The following CLYBL variants were observed in gnomAD, a reference collection of about 807,000 sequenced individuals.
The protein encoded by CLYBL is citramalyl-CoA lyase.
CLYBL carries 31 observed loss-of-function variants against 38.9 expected under a neutral mutation model. The observed-to-expected ratio is 0.80, with a 90% CI of 0.60 to 1.08. CLYBL has a LOEUF of 1.08. Among genes scored for constraint, CLYBL ranks in the 50% least tolerant of loss-of-function variants. CLYBL has a pLI of 0.00. For synonymous variants in CLYBL, 171 were observed against 158.6 expected, an observed-to-expected ratio of 1.08 and a Z score of -0.59; for missense variants, 434 against 411.6, an observed-to-expected ratio of 1.05 and a Z score of -0.47.
intron 2 of CLYBL, among the ~76,000 whole-genome samples, chr13:99,781,009 C>T (rs7326142): frequency 0.32 from 48,744 of 151,730 alleles, 8,708 homozygotes; most frequent in Middle Eastern, 0.43. Context: ...CCACTGCACC[C>T]GGCTAATCCA....
At chr13:99,785,409 T>C (rs2049767873) in intron 2 of CLYBL, among the ~76,000 whole-genome samples, 1 of 151,354 alleles carries the variant, frequency 6.6e-6, no homozygotes, top group Non-Finnish European at 1.5e-5. Flanking sequence ...GATGGGGGTC[T>C]CTCTATGTTG....
At chr13:99,754,233 A>C (rs1367915396) in intron 1 of CLYBL, among the ~76,000 whole-genome samples, 1 of 151,520 alleles carries the variant, frequency 6.6e-6, no homozygotes, top group East Asian at 1.9e-4. Flanking sequence ...AACATGGAGA[A>C]ACCCCATTTC....
chr13:99,824,257 G>GCCCT (rs2050646713), intron 2 of CLYBL, among the ~76,000 whole-genome samples: 6 of 130,414 alleles, frequency 4.6e-5, no homozygotes, highest in Non-Finnish European at 6.4e-5. Flanking sequence ...CTGACTAATA[G>GCCCT]CCCCCCCCAC....
intron 2 of CLYBL, among the ~76,000 whole-genome samples, chr13:99,823,545 C>T (rs189263115): frequency 1.3e-5 from 2 of 152,328 alleles, no homozygotes; most frequent in African/African-American, 4.8e-5. Context: ...TAATTGGAAT[C>T]ATACAGTCTG....
intron 2 of CLYBL, among the ~76,000 whole-genome samples, chr13:99,782,492 G>A (rs749758412): frequency 1.3e-5 from 2 of 152,056 alleles, no homozygotes; most frequent in Admixed American, 1.3e-4. Flanking sequence ...GTGACAGAAC[G>A]AGGCTCTGTC....
intron 1 of CLYBL, among the ~76,000 whole-genome samples, chr13:99,633,809 C>T (rs1440950535): frequency 6.6e-6 from 1 of 151,848 alleles, no homozygotes; most frequent in African/African-American, 2.4e-5. Context: ...ACAAAGTTAA[C>T]TGAAAAATAG....
intron 9 of CLYBL, among the ~76,000 whole-genome samples, chr13:99,906,714 G>A (rs6491539): frequency 0.72 from 108,714 of 152,016 alleles, 39,275 homozygotes; most frequent in Middle Eastern, 0.76. Context: ...GTGAGCCACC[G>A]TGCCCGGCCT....
intron 2 of CLYBL, among the ~76,000 whole-genome samples, chr13:99,781,017 C>G (rs2049637211): frequency 6.7e-6 from 1 of 150,336 alleles, no homozygotes; most frequent in Non-Finnish European, 1.5e-5. Flanking sequence ...CCCGGCTAAT[C>G]CATTGACTTT....
At chr13:99,808,390 A>T (rs567691051) in intron 2 of CLYBL, among the ~76,000 whole-genome samples, 1 of 152,240 alleles carries the variant, frequency 6.6e-6, no homozygotes, top group African/African-American at 2.4e-5. Flanking sequence ...CTGGCCTAGG[A>T]TCCTCTTGTA....
chr13:99,750,595 A>G (rs973836491), intron 1 of CLYBL, among the ~76,000 whole-genome samples: 1 of 151,798 alleles, frequency 6.6e-6, no homozygotes. Flanking sequence ...AATCGCTGGA[A>G]CCTGGGAGGC....
intron 1 of CLYBL, among the ~76,000 whole-genome samples, chr13:99,711,962 G>A (rs1311103540): frequency 2.0e-5 from 3 of 150,776 alleles, no homozygotes; most frequent in African/African-American, 4.9e-5. Flanking sequence ...TGATCCACCC[G>A]CCTTGGCCTC....
At chr13:99,893,685 G>GCCAC (rs1276935892), downstream of CLYBL, 1 of 153,218 alleles carries the variant, frequency 6.5e-6, no homozygotes, top group Admixed American at 6.5e-5. Context: ...CAGCCAGCCA[G>GCCAC]CCAGCCCCAC....
downstream of CLYBL, among the ~76,000 whole-genome samples, chr13:99,900,605 G>A (rs963012060): frequency 1.3e-5 from 2 of 152,022 alleles, no homozygotes; most frequent in Admixed American, 6.5e-5. Flanking sequence ...GACCTGCTAG[G>A]GGACTTGCTC....
chr13:99,783,588 G>A (rs1242376229), intron 2 of CLYBL, among the ~76,000 whole-genome samples: 1 of 151,776 alleles, frequency 6.6e-6, no homozygotes, highest in Non-Finnish European at 1.5e-5. Flanking sequence ...TCCAGAGTAG[G>A]TGGGACTACA....
rs1566595642 is a variant in CLYBL, at chr13:99,637,961, C to CTTTATTTT, written c.62+31204_62+31205insTTTATTTT. 9.3e-5 allele frequency among the ~76,000 whole-genome samples: 5 copies of CTTTATTTT among 53,688 alleles called. 1 individual carries two copies. Among genetic ancestry groups the CTTTATTTT allele is most frequent in the African/African-American group, 4.1e-4 (5 of 12,156 alleles). 35.2% of individuals were successfully genotyped at this position (53,688 alleles called of 152,430 possible). A position where few individuals can be genotyped will look rare whatever the true frequency, so the allele number is the denominator to read the frequency against. ...TATCTAGTTATCCAAGTCAACAGTG[C>CTTTATTTT]CTTTTTTTTTTTTTTTTTTTGAGAC... On this transcript the variant is annotated intron_variant, in intron 1 of 8. Transcript: ENST00000339105.
At chr13:99,689,369 A>G (rs1288533462) in intron 1 of CLYBL, among the ~76,000 whole-genome samples, 5 of 152,238 alleles carry the variant, frequency 3.3e-5, no homozygotes, top group African/African-American at 1.2e-4. Context: ...TATTCTTGCA[A>G]TCACAGACAG....
chr13:99,716,057 T>A (rs1444436680), intron 1 of CLYBL, among the ~76,000 whole-genome samples: 3 of 152,018 alleles, frequency 2.0e-5, no homozygotes, highest in Non-Finnish European at 4.4e-5. Flanking sequence ...TATCAAATGC[T>A]TTTTCTCCAT....
At chr13:99,830,754 A>G (rs1204221743) in intron 2 of CLYBL, among the ~76,000 whole-genome samples, 4 of 152,246 alleles carry the variant, frequency 2.6e-5, no homozygotes, top group East Asian at 3.8e-4. Context: ...CTGCTTTCTA[A>G]TAACTCTTTT....
At chr13:99,772,174 T>C (rs2049409830) in intron 1 of CLYBL, among the ~76,000 whole-genome samples, 1 of 152,212 alleles carries the variant, frequency 6.6e-6, no homozygotes, top group South Asian at 2.1e-4. Flanking sequence ...ACCTTTTGGA[T>C]AGATATTTTC....
Sources: gnomAD v4.1 joint callset for allele counts (sites outside exome capture counted in the v4.1 genomes callset) on GRCh38, gnomAD v4.1.1 for gene constraint, MANE v1.5 for transcripts, NCBI Gene and HGNC (gene_info 2026-07-23, HGNC 2026-07-21) for gene names.